The following GAS2 variants were observed in gnomAD, a reference collection of about 807,000 sequenced individuals.
The protein encoded by GAS2 is growth arrest specific 2, also known as growth arrest-specific protein 2.
Under a neutral mutation model 37.5 loss-of-function variants are expected in GAS2, and 20 were observed. The ratio of observed to expected loss-of-function variants is 0.53; its 90% CI spans 0.37 to 0.77. GAS2 has a LOEUF of 0.77. GAS2 is among the 30% of genes least tolerant of loss of function. GAS2 has a pLI of 0.00. For missense variants in GAS2, 336 were observed against 373.4 expected (o/e 0.90, Z 0.82); for synonymous variants, 144 against 132.2 (o/e 1.09, Z -0.61).
chr11:22,645,786 A>T (rs1048016420), intron 1 of GAS2, among the ~76,000 whole-genome samples: 4 of 150,034 alleles, frequency 2.7e-5, no homozygotes, highest in Non-Finnish European at 5.9e-5. Context: ...AAGTTTTCTG[A>T]CTTGGTGTTC....
At chr11:22,650,847 A>G (rs1161109339) in intron 1 of GAS2, among the ~76,000 whole-genome samples, 1 of 151,760 alleles carries the variant, frequency 6.6e-6, no homozygotes, top group Non-Finnish European at 1.5e-5. Context: ...AATACAGCAC[A>G]CTGATGGATC....
chr11:22,799,435 A>G (rs1279703977), intron 7 of GAS2, among the ~76,000 whole-genome samples: 1 of 152,058 alleles, frequency 6.6e-6, no homozygotes, highest in African/African-American at 2.4e-5. Context: ...TTAATTCACT[A>G]TGGATTCTGT....
chr11:22,661,503 A>C (rs992465507), intron 1 of GAS2, among the ~76,000 whole-genome samples: 1 of 152,130 alleles, frequency 6.6e-6, no homozygotes. Context: ...AGTGAGAAAT[A>C]AAAGAAATAG....
chr11:22,665,878 C>T (rs997478238), upstream of GAS2, among the ~76,000 whole-genome samples: 2 of 152,128 alleles, frequency 1.3e-5, no homozygotes, highest in East Asian at 1.9e-4. Flanking sequence ...GGTATCCAAG[C>T]AAGGATCACA....
intron 7 of GAS2, among the ~76,000 whole-genome samples, chr11:22,756,210 C>T (rs1341036909): frequency 6.6e-6 from 1 of 151,970 alleles, no homozygotes; most frequent in African/African-American, 2.4e-5. Flanking sequence ...AGGCTTTCCA[C>T]TTGTGTTATG....
chr11:22,704,229 G>T (rs1850989951), intron 3 of GAS2, among the ~76,000 whole-genome samples: 1 of 152,010 alleles, frequency 6.6e-6, no homozygotes, highest in Non-Finnish European at 1.5e-5. Context: ...AGGCACTTGG[G>T]TGAAGCCTGT....
intron 7 of GAS2, among the ~76,000 whole-genome samples, chr11:22,800,995 GT>G (rs1414159817): frequency 6.6e-6 from 1 of 151,612 alleles, no homozygotes; most frequent in Non-Finnish European, 1.5e-5. Flanking sequence ...TTTTCATTTA[GT>G]AAAACATATG....
chr11:22,757,704 C>G (rs1044453389), intron 7 of GAS2, among the ~76,000 whole-genome samples: 1 of 152,088 alleles, frequency 6.6e-6, no homozygotes, highest in Admixed American at 6.5e-5. Context: ...TAAAATGAAA[C>G]GTTTTTTAAA....
At chr11:22,633,333 G>T (rs898026163) in intron 1 of GAS2, among the ~76,000 whole-genome samples, 2 of 152,138 alleles carry the variant, frequency 1.3e-5, no homozygotes, top group African/African-American at 2.4e-5. Context: ...GAATCTGTGT[G>T]AAACATCTGT....
intron 5 of GAS2, among the ~76,000 whole-genome samples, chr11:22,744,185 GC>G (rs1263154902): frequency 1.3e-5 from 2 of 151,872 alleles, no homozygotes; most frequent in African/African-American, 4.8e-5. Context: ...AAAGCCCTGG[GC>G]CAGATGAGTT....
intron 1 of GAS2, among the ~76,000 whole-genome samples, chr11:22,643,740 A>C (rs1378621588): frequency 6.6e-6 from 1 of 151,874 alleles, no homozygotes; most frequent in Non-Finnish European, 1.5e-5. Flanking sequence ...TTTACCTTTG[A>C]ATAAGAAGTT....
At chr11:22,807,757 A>C (rs1252020819) in intron 7 of GAS2, among the ~76,000 whole-genome samples, 1 of 152,204 alleles carries the variant, frequency 6.6e-6, no homozygotes, top group African/African-American at 2.4e-5. Flanking sequence ...GGGTTTATAT[A>C]GCAGAGAAGA....
intron 7 of GAS2, among the ~76,000 whole-genome samples, chr11:22,804,910 G>A (rs1319873987): frequency 6.6e-6 from 1 of 152,116 alleles, no homozygotes; most frequent in East Asian, 1.9e-4. Context: ...TGAGATGGAA[G>A]AGTTCTTGGA....
intron 1 of GAS2, among the ~76,000 whole-genome samples, chr11:22,646,362 T>C (rs1848690586): frequency 6.6e-6 from 1 of 152,220 alleles, no homozygotes; most frequent in Non-Finnish European, 1.5e-5. Context: ...TTAGGATCAA[T>C]TTACCTTTTA....
intron 4 of GAS2, among the ~76,000 whole-genome samples, chr11:22,731,051 A>G (rs529474804): frequency 6.6e-6 from 1 of 151,880 alleles, no homozygotes; most frequent in Non-Finnish European, 1.5e-5. Flanking sequence ...TGATGCTTTT[A>G]TGTCATTTTT....
chr11:22,806,113 A>G (rs1364429180), intron 7 of GAS2, among the ~76,000 whole-genome samples: 1 of 152,146 alleles, frequency 6.6e-6, no homozygotes, highest in Non-Finnish European at 1.5e-5. Flanking sequence ...AATGCAGCCC[A>G]GTAGGTCTCA....
At chr11:22,752,159 G>T (rs1163517987) in intron 6 of GAS2, among the ~76,000 whole-genome samples, 2 of 151,930 alleles carry the variant, frequency 1.3e-5, no homozygotes, top group Non-Finnish European at 2.9e-5. Context: ...ACTATATATA[G>T]ATTAGGACTG....
chr11:22,724,392 A>G (rs558587388), intron 3 of GAS2, among the ~76,000 whole-genome samples: 83 of 152,142 alleles, frequency 5.5e-4, no homozygotes, highest in African/African-American at 2.0e-3. Context: ...CAGTGTTGCA[A>G]CAAATATACT....
rs548359590 is a variant in GAS2, at chr11:22,668,680, A to G, written c.-21+1781A>G. 3.3e-4 allele frequency among the ~76,000 whole-genome samples: 50 copies of G among 152,296 alleles called. No individual in the cohort carries two copies. The South Asian group carries it at 8.7e-3, about 27-fold the overall frequency. On this transcript the variant is annotated intron_variant, in intron 1 of 7. Transcript: ENST00000454584. ...AAATACCTGGTCTTATATTAACCCT[A>G]AGTATGTTGTGTGTTACTTAGAAAT...
Sources: allele counts gnomAD v4.1 joint callset (sites outside exome capture counted in the v4.1 genomes callset), GRCh38; gene constraint gnomAD v4.1.1; transcripts MANE v1.5; gene names NCBI Gene and HGNC (gene_info 2026-07-23, HGNC 2026-07-21).